ADCY2: variants seen among roughly 807,000 people sequenced by gnomAD.
ADCY2 encodes adenylate cyclase 2, also known as adenylate cyclase type 2.
A neutral mutation model predicts 125.2 loss-of-function variants in ADCY2; 31 were observed. That is an observed-to-expected ratio of 0.25 (90% CI 0.19 to 0.33). The LOEUF is 0.33. Among genes scored for constraint, ADCY2 ranks in the 10% least tolerant of loss-of-function variants. The pLI is 1.00. For synonymous variants in ADCY2, 512 were observed against 548.4 expected (o/e 0.93, Z 0.93); for missense variants, 904 against 1,418.2 (o/e 0.64, Z 5.82).
At chr5:7,655,027 G>T (rs1314914897) in intron 4 of ADCY2, among the ~76,000 whole-genome samples, 4 of 152,154 alleles carry the variant, frequency 2.6e-5, no homozygotes, top group Non-Finnish European at 4.4e-5. Context: ...TTAGGTTTTA[G>T]ACACTGAGAG....
intron 3 of ADCY2, among the ~76,000 whole-genome samples, chr5:7,539,473 G>T (rs1734926187): frequency 6.6e-6 from 1 of 152,114 alleles, no homozygotes; most frequent in African/African-American, 2.4e-5. Context: ...CTTTATAATA[G>T]AATTGTTCAC....
chr5:7,593,141 G>A (rs1273974555), intron 3 of ADCY2, among the ~76,000 whole-genome samples: 1 of 152,136 alleles, frequency 6.6e-6, no homozygotes, highest in African/African-American at 2.4e-5. Flanking sequence ...AGCGCAAATC[G>A]AGGAAAACCT....
intron 4 of ADCY2, among the ~76,000 whole-genome samples, chr5:7,629,199 G>A (rs1028377660): frequency 2.6e-5 from 4 of 152,234 alleles, no homozygotes; most frequent in African/African-American, 4.8e-5. Context: ...CCCAGAGGTT[G>A]AGAGGCGGCC....
chr5:7,508,000 A>AT (rs139522505), intron 2 of ADCY2, among the ~76,000 whole-genome samples: 89 of 150,860 alleles, frequency 5.9e-4, no homozygotes, highest in East Asian at 1.4e-3. Flanking sequence ...TAAGCTGACA[A>AT]TTTTTTTTTT....
At position 7,632,628 on chromosome 5, in the gene ADCY2, A is replaced by G. The variant is rs1738355515; in HGVS notation, c.720+6312A>G. Among the ~76,000 whole-genome samples the G allele has an allele frequency of 3.3e-5, 5 of 152,190 alleles. No homozygotes were observed. In the South Asian group the frequency reaches 1.0e-3, roughly 32 times the overall value. On this transcript the variant is annotated intron_variant, in intron 4 of 24. Transcript: ENST00000338316. ...TGAGATGTTATAAAAGGTTCTCATCACAGTGTTTGCTATTCCAATCCATCG... is the reference window on the plus strand; with the variant it reads ...TGAGATGTTATAAAAGGTTCTCATCGCAGTGTTTGCTATTCCAATCCATCG...
intron 15 of ADCY2, among the ~76,000 whole-genome samples, chr5:7,751,911 G>A (rs1417630313): frequency 6.6e-6 from 1 of 151,982 alleles, no homozygotes; most frequent in Admixed American, 6.6e-5. Context: ...TTCCCTTTGA[G>A]TCCATCATTA....
At chr5:7,467,583 G>T (rs1434012055) in intron 2 of ADCY2, among the ~76,000 whole-genome samples, 1 of 152,120 alleles carries the variant, frequency 6.6e-6, no homozygotes. Context: ...TCTGTGCTTT[G>T]CCAGTGTTTC....
At chr5:7,589,506 G>GA (rs68115969) in intron 3 of ADCY2, among the ~76,000 whole-genome samples, 2,011 of 93,722 alleles carry the variant, frequency 0.021, 24 homozygotes, top group East Asian at 0.042. Context: ...AAGAAAGAAA[G>GA]AAAGAAAAGA....
intron 22 of ADCY2, among the ~76,000 whole-genome samples, chr5:7,815,850 G>A (rs868662658): frequency 6.2e-4 from 94 of 152,290 alleles, no homozygotes; most frequent in African/African-American, 2.0e-3. Flanking sequence ...TACTGCAAAC[G>A]GGGGACTTAA....
chr5:7,503,397 G>A (rs534017922), intron 2 of ADCY2, among the ~76,000 whole-genome samples: 2 of 152,226 alleles, frequency 1.3e-5, no homozygotes, highest in South Asian at 4.1e-4. Flanking sequence ...GAAACCAATC[G>A]CTCGCACCCC....
chr5:7,698,853 T>G (rs1157132990), intron 7 of ADCY2, among the ~76,000 whole-genome samples: 1 of 152,188 alleles, frequency 6.6e-6, no homozygotes, highest in Non-Finnish European at 1.5e-5. Flanking sequence ...AACATACGTG[T>G]GCATGTGTCT....
intron 2 of ADCY2, among the ~76,000 whole-genome samples, chr5:7,475,756 T>C (rs1329069643): frequency 6.6e-6 from 1 of 152,132 alleles, no homozygotes; most frequent in Non-Finnish European, 1.5e-5. Flanking sequence ...CAAGAGCAGC[T>C]CCCAGGCTTT....
At chr5:7,772,056 C>CT (rs1579416970) in intron 17 of ADCY2, among the ~76,000 whole-genome samples, 2 of 152,166 alleles carry the variant, frequency 1.3e-5, no homozygotes, top group East Asian at 1.9e-4. Flanking sequence ...CTGTGCATTA[C>CT]TTTTTTATCT....
intron 3 of ADCY2, among the ~76,000 whole-genome samples, chr5:7,576,340 G>A (rs1736248074): frequency 6.6e-6 from 1 of 152,248 alleles, no homozygotes. Context: ...AGATGCTCCA[G>A]TAGGTGAACG....
At chr5:7,748,820 C>A (rs1579387486) in intron 15 of ADCY2, among the ~76,000 whole-genome samples, 2 of 152,234 alleles carry the variant, frequency 1.3e-5, no homozygotes, top group South Asian at 4.2e-4. Flanking sequence ...CTTCTACTGG[C>A]TCATTTATGG....
chr5:7,773,043 A>G lies in ADCY2; in HGVS notation c.2326A>G (p.Ile776Val), dbSNP rs1461179603. Reference protein sequence around the residue: ...MMVALVGYNTILLHTHAHVLG... With the variant: ...MMVALVGYNTVLLHTHAHVLG... ...GGTGGCCTTGGTGGGCTACAACACC[A>G]TCCTACTCCACACCCACGCCCACGT... is the stretch of plus-strand genomic sequence containing the variant. The change falls in exon 18 of 25, where the codon ATC (isoleucine) becomes GTC (valine). Residue 776 changes from isoleucine to valine, a missense_variant. This residue lies in a region of ADCY2 where 221 missense variants were observed against 246.2 expected (regional missense o/e 0.90). Transcript: ENST00000338316. 2 of 1,614,164 alleles carry G rather than the reference A, an allele frequency of 1.2e-6. No homozygotes were observed. The highest frequency in any genetic ancestry group is 1.7e-5 in the Admixed American group (1 of 60,014).
chr5:7,501,403 A>G lies in ADCY2; in HGVS notation c.409-19335A>G, dbSNP rs184380583. Among the ~76,000 whole-genome samples the G allele has an allele frequency of 3.9e-5, 6 of 152,332 alleles. No homozygotes were observed. In the East Asian group the frequency reaches 1.2e-3, roughly 29 times the overall value. On this transcript the variant is annotated intron_variant, in intron 2 of 24. Coordinates refer to ENST00000338316, the MANE Select transcript of ADCY2 (RefSeq NM_020546.3). ...ATGGTGTCATTCAACAAAAGAAATT[A>G]TTAAGATATTGATGCTTTTCAATCA... is the stretch of plus-strand genomic sequence containing the variant.
chr5:7,473,649 C>G (rs1742420266), intron 2 of ADCY2, among the ~76,000 whole-genome samples: 1 of 152,132 alleles, frequency 6.6e-6, no homozygotes, highest in Non-Finnish European at 1.5e-5. Context: ...CTGGGAATGA[C>G]AGGGTATCAT....
chr5:7,754,092 G>A (rs879632910), intron 15 of ADCY2, among the ~76,000 whole-genome samples: 4 of 152,210 alleles, frequency 2.6e-5, no homozygotes, highest in Non-Finnish European at 4.4e-5. Context: ...ACCCCCATGC[G>A]TCTAGTAAGT....
Sources: gnomAD v4.1 joint callset for allele counts (sites outside exome capture counted in the v4.1 genomes callset) on GRCh38, gnomAD v4.1.1 for gene constraint, gnomAD v4.1.1 regional missense constraint, MANE v1.5 for transcripts, NCBI Gene and HGNC (gene_info 2026-07-23, HGNC 2026-07-21) for gene names.